The following FOXN3 variants were observed in gnomAD, a reference collection of about 807,000 sequenced individuals.
FOXN3 encodes forkhead box protein N3.
Under a neutral mutation model 38.4 loss-of-function variants are expected in FOXN3, and 7 were observed. That is an observed-to-expected ratio of 0.18 (90% CI 0.10 to 0.34). FOXN3 has a LOEUF of 0.34. Ranked by LOEUF, FOXN3 falls within the 10% of genes least tolerant of loss-of-function variation. The probability of loss-of-function intolerance (pLI) is 1.00; values close to 1 mark genes in which losing one functional copy is unlikely to be tolerated. For synonymous variants in FOXN3, 230 were observed against 242.2 expected, an observed-to-expected ratio of 0.95 and a Z score of 0.47; for missense variants, 456 against 613.4, an observed-to-expected ratio of 0.74 and a Z score of 2.71.
intron 4 of FOXN3, among the ~76,000 whole-genome samples, chr14:89,202,762 G>A (rs1017053208): frequency 5.9e-5 from 9 of 152,106 alleles, no homozygotes; most frequent in Non-Finnish European, 1.2e-4. Flanking sequence ...TCCGCATTTC[G>A]CATGAGTGGA....
chr14:89,529,790 T>C (rs1343524605), intron 1 of FOXN3, among the ~76,000 whole-genome samples: 1 of 152,070 alleles, frequency 6.6e-6, no homozygotes, highest in Non-Finnish European at 1.5e-5. Flanking sequence ...ACCTGTAGTT[T>C]TGAGTCTTGG....
intron 1 of FOXN3, among the ~76,000 whole-genome samples, chr14:89,575,150 T>G (rs1220138273): frequency 3.3e-5 from 5 of 152,202 alleles, no homozygotes; most frequent in Non-Finnish European, 7.3e-5. Flanking sequence ...GCAATCATCC[T>G]TCCTCCTCTA....
intron 5 of FOXN3, among the ~76,000 whole-genome samples, chr14:89,165,105 T>C (rs1887206704): frequency 6.6e-6 from 1 of 152,148 alleles, no homozygotes; most frequent in African/African-American, 2.4e-5. Flanking sequence ...TGTGCATTTG[T>C]ACACGGAAGT....
chr14:89,422,160 C>T (rs1200284083), upstream of FOXN3, among the ~76,000 whole-genome samples: 1 of 152,246 alleles, frequency 6.6e-6, no homozygotes, highest in Non-Finnish European at 1.5e-5. Flanking sequence ...GCATAAGCCA[C>T]CGCACCTGGC....
intron 1 of FOXN3, among the ~76,000 whole-genome samples, chr14:89,438,911 C>T (rs1225499265): frequency 1.3e-5 from 2 of 152,044 alleles, no homozygotes; most frequent in African/African-American, 4.8e-5. Context: ...CAGGCATGCA[C>T]CACCACGCCC....
intron 4 of FOXN3, among the ~76,000 whole-genome samples, chr14:89,221,155 A>T (rs1192223160): frequency 6.6e-6 from 1 of 152,176 alleles, no homozygotes; most frequent in Non-Finnish European, 1.5e-5. Flanking sequence ...AATTACCACT[A>T]AATGTAGCGT....
intron 5 of FOXN3, among the ~76,000 whole-genome samples, chr14:89,178,589 T>G (rs1887586061): frequency 6.6e-6 from 1 of 152,226 alleles, no homozygotes; most frequent in Non-Finnish European, 1.5e-5. Context: ...AGGCACTCAG[T>G]GGACTGCATG....
At chr14:89,283,861 TGTTTTTTGGGGG>T (rs758437482) in intron 3 of FOXN3, among the ~76,000 whole-genome samples, 22 of 152,146 alleles carry the variant, frequency 1.4e-4, no homozygotes, top group Non-Finnish European at 2.6e-4. Context: ...ATCACCTTCC[TGTTTTTTGGGGG>T]GTTTTTTGAC....
In FOXN3 at chr14:89,158,796, T is replaced by A. The variant is rs1887034745; in HGVS notation, c.*3618A>T. On this transcript the variant is annotated 3_prime_UTR_variant, in exon 6 of 6. Transcript: ENST00000557258. ...GGCCAATAGCAAGTAATCGTAGACGTCGTGGTGTTGATGTGTTCACGGTTG... is the reference window on the plus strand; with the variant it reads ...GGCCAATAGCAAGTAATCGTAGACGACGTGGTGTTGATGTGTTCACGGTTG... 1 of 152,624 alleles carries A rather than the reference T, an allele frequency of 6.6e-6. No homozygotes were observed. The highest frequency in any genetic ancestry group is 2.4e-5 in the African/African-American group (1 of 41,450). 9.5% of individuals were successfully genotyped at this position (152,624 alleles called of 1,614,324 possible). A position where few individuals can be genotyped will look rare whatever the true frequency, so the allele number is the denominator to read the frequency against.
intron 3 of FOXN3, among the ~76,000 whole-genome samples, chr14:89,326,776 C>G (rs1480832662): frequency 6.6e-6 from 1 of 152,168 alleles, no homozygotes; most frequent in East Asian, 1.9e-4. Flanking sequence ...AACCACTTAC[C>G]ACTATTCAAT....
intron 3 of FOXN3, among the ~76,000 whole-genome samples, chr14:89,325,896 T>C (rs191718054): frequency 1.3e-5 from 2 of 152,328 alleles, no homozygotes; most frequent in South Asian, 2.1e-4. Context: ...TCAAGTAAGA[T>C]AGCATGGCTG....
intron 3 of FOXN3, among the ~76,000 whole-genome samples, chr14:89,301,793 T>A (rs1887225539): frequency 1.3e-5 from 2 of 151,886 alleles, no homozygotes; most frequent in African/African-American, 4.8e-5. Flanking sequence ...TTCCAAAAAG[T>A]AATCTCTTCT....
At chr14:89,363,947 AATATATATAT>A (rs67802765) in intron 2 of FOXN3, among the ~76,000 whole-genome samples, 11,536 of 110,798 alleles carry the variant, frequency 0.1, 766 homozygotes, top group East Asian at 0.13. Context: ...CTGTCTGTAA[AATATATATAT>A]ATATATATAT....
At chr14:89,208,512 C>A (rs1176853935) in intron 4 of FOXN3, among the ~76,000 whole-genome samples, 1 of 152,198 alleles carries the variant, frequency 6.6e-6, no homozygotes, top group African/African-American at 2.4e-5. Context: ...AATTTCTGAT[C>A]ATTTTTCCAC....
chr14:89,355,426 G>T (rs1391280523), intron 2 of FOXN3, among the ~76,000 whole-genome samples: 1 of 151,654 alleles, frequency 6.6e-6, no homozygotes, highest in Non-Finnish European at 1.5e-5. Flanking sequence ...TAGTAGAGAC[G>T]GGGTTTCGCC....
chr14:89,219,617 G>A (rs1036956962), intron 4 of FOXN3, among the ~76,000 whole-genome samples: 7 of 152,118 alleles, frequency 4.6e-5, no homozygotes, highest in South Asian at 2.1e-4. Context: ...CTCTTACCAC[G>A]TACTGGAAGT....
At chr14:89,231,037 A>G (rs759878537) in intron 4 of FOXN3, among the ~76,000 whole-genome samples, 4 of 152,168 alleles carry the variant, frequency 2.6e-5, no homozygotes, top group Non-Finnish European at 5.9e-5. Context: ...CATCCCACCC[A>G]TCTCACCTGT....
chr14:89,231,645 G>A (rs958052430), intron 4 of FOXN3, among the ~76,000 whole-genome samples: 3 of 152,136 alleles, frequency 2.0e-5, no homozygotes, highest in African/African-American at 7.2e-5. Context: ...GTCTCAGCCA[G>A]GGCCCTAAGG....
At chr14:89,562,707 G>A (rs562652536) in intron 1 of FOXN3, among the ~76,000 whole-genome samples, 1 of 152,288 alleles carries the variant, frequency 6.6e-6, no homozygotes, top group Non-Finnish European at 1.5e-5. Flanking sequence ...CCTTGATGCT[G>A]TCAAAACTAT....
Sources: gnomAD v4.1 joint callset for allele counts (sites outside exome capture counted in the v4.1 genomes callset) on GRCh38, gnomAD v4.1.1 for gene constraint, MANE v1.5 for transcripts, NCBI Gene and HGNC (gene_info 2026-07-23, HGNC 2026-07-21) for gene names.